KIAA2012: variants seen among roughly 807,000 people sequenced by gnomAD.
KIAA2012 encodes the protein KIAA2012, also known as uncharacterized protein KIAA2012.
Under a neutral mutation model 150.6 loss-of-function variants are expected in KIAA2012, and 125 were observed. The observed-to-expected ratio is 0.83, with a 90% confidence interval of 0.72 to 0.96. KIAA2012 has a LOEUF of 0.96. Ranked by LOEUF, KIAA2012 falls within the 40% of genes least tolerant of loss-of-function variation. The pLI is 0.00. For synonymous variants in KIAA2012, 462 were observed against 504.7 expected (o/e 0.92, Z 1.13); for missense variants, 1,219 against 1,354.9 (o/e 0.90, Z 1.57).
At chr2:202,124,406 G>C (rs1447169053) in intron 11 of KIAA2012, among the ~76,000 whole-genome samples, 1 of 152,088 alleles carries the variant, frequency 6.6e-6, no homozygotes, top group Non-Finnish European at 1.5e-5. Flanking sequence ...ATTCATCAGG[G>C]GCTGTGAAAA....
chr2:202,082,550 C>T (rs1327624506), intron 2 of KIAA2012, among the ~76,000 whole-genome samples: 1 of 151,486 alleles, frequency 6.6e-6, no homozygotes, highest in East Asian at 1.9e-4. Context: ...GAGCCAAGAT[C>T]GTGCCACTGT....
intron 9 of KIAA2012, 187 bp downstream of exon 9, chr2:202,106,097 A>G: frequency 6.8e-7 from 1 of 1,476,198 alleles, no homozygotes; most frequent in Non-Finnish European, 9.0e-7. Flanking sequence ...TAAAACTAAC[A>G]GTGTCCAGCT....
rs145531111 is a variant in KIAA2012 at position 202,083,499 on chromosome 2, A to G, written c.370-7271A>G. ...TGTTCTAAGATTTGGCCTTTGCCAGAGAACACTGACTCCGGCAAGACAGAC... is the reference window on the plus strand; with the variant it reads ...TGTTCTAAGATTTGGCCTTTGCCAGGGAACACTGACTCCGGCAAGACAGAC... On this transcript the variant is annotated intron_variant, in intron 2 of 23. Transcript: ENST00000498697. Among the ~76,000 whole-genome samples the G allele has an allele frequency of 4.9e-3, 749 of 152,362 alleles. 6 individuals are homozygous for G. The highest frequency in any genetic ancestry group is 7.1e-3 in the Non-Finnish European group (486 of 68,026).
Position 202,194,180 on chromosome 2 carries a change from GT to G in KIAA2012, c.3015-6del. 1.1e-5 allele frequency: 17 copies of G among 1,550,200 alleles called. No individual in the cohort carries two copies. Among genetic ancestry groups the G allele is most frequent in the Non-Finnish European group, 1.4e-5 (16 of 1,146,806 alleles). On this transcript the variant is annotated splice_polypyrimidine_tract_variant and intron_variant, in intron 20 of 23. Coordinates refer to ENST00000498697, the MANE Select transcript of KIAA2012 (RefSeq NM_001277372.4). ...TCTGCCATTTCCCTGACCATCTTGG[GT>G]TTTCTCAGCTTGAGGAAACAGAGAC... is the stretch of plus-strand genomic sequence containing the variant.
At chr2:202,179,997 C>G in intron 15 of KIAA2012, 1 of 586,714 alleles carries the variant, frequency 1.7e-6, no homozygotes, top group East Asian at 5.0e-5. Flanking sequence ...GCCGGGTGGG[C>G]GCGGTGGCTC....
At chr2:202,124,373 G>A (rs1341310461) in intron 11 of KIAA2012, among the ~76,000 whole-genome samples, 1 of 151,840 alleles carries the variant, frequency 6.6e-6, no homozygotes, top group African/African-American at 2.4e-5. Flanking sequence ...CACCCCAGGT[G>A]ACTAGCAGAT....
Position 202,188,158 on chromosome 2 carries a change from G to A in KIAA2012, c.2383G>A (p.Asp795Asn), listed in dbSNP as rs2105745110. Reference protein sequence around the residue: ...ETSANISHERDLINEAKRKEK... With the variant: ...ETSANISHERNLINEAKRKEK... ...CTTGATTTTTCACCTTTAGGAGAGG[G>A]ATTTGATTAACGAGGCCAAGAGAAA... is the stretch of plus-strand genomic sequence containing the variant. Residue 795 changes from aspartate to asparagine, a missense_variant, in exon 18 of 24, where the codon GAT becomes AAT. Transcript: ENST00000498697. 6.5e-7 allele frequency: 1 copy of A among 1,550,204 alleles called. No homozygotes were observed. The highest frequency in any genetic ancestry group is 1.2e-5 in the South Asian group (1 of 84,012).
chr2:202,109,173 G>A (rs1690278826), intron 9 of KIAA2012, among the ~76,000 whole-genome samples: 1 of 152,198 alleles, frequency 6.6e-6, no homozygotes, highest in Admixed American at 6.5e-5. Context: ...AATCTCATCA[G>A]CTCTAAAGCT....
intron 3 of KIAA2012, among the ~76,000 whole-genome samples, chr2:202,092,124 C>T (rs1451219772): frequency 6.6e-6 from 1 of 152,170 alleles, no homozygotes; most frequent in Admixed American, 6.5e-5. Context: ...CAAAAAAGGT[C>T]GAGTCCTCCA....
At chr2:202,195,722 A>G (rs886799744) in intron 21 of KIAA2012, among the ~76,000 whole-genome samples, 11 of 152,078 alleles carry the variant, frequency 7.2e-5, no homozygotes, top group Admixed American at 2.0e-4. Context: ...CCACTATTCT[A>G]TTCTCTATTT....
intron 12 of KIAA2012, among the ~76,000 whole-genome samples, chr2:202,133,048 T>C (rs1472385594): frequency 1.4e-5 from 2 of 138,200 alleles, no homozygotes; most frequent in Admixed American, 1.5e-4. Context: ...GAGCTTGCAG[T>C]GAGCCAAGAT....
intron 2 of KIAA2012, among the ~76,000 whole-genome samples, chr2:202,075,428 T>A (rs1689305516): frequency 6.6e-6 from 1 of 152,236 alleles, no homozygotes; most frequent in Non-Finnish European, 1.5e-5. Flanking sequence ...CATCATTTTA[T>A]GTTTTCCTTT....
chr2:202,132,788 G>GTGTATATA (rs1553556876), intron 12 of KIAA2012, among the ~76,000 whole-genome samples: 1 of 66,552 alleles, frequency 1.5e-5, no homozygotes, highest in Non-Finnish European at 2.6e-5. Flanking sequence ...ATATATATGC[G>GTGTATATA]TATATATATA....
intron 14 of KIAA2012, among the ~76,000 whole-genome samples, chr2:202,158,283 C>T (rs146298038): frequency 0.021 from 3,127 of 148,526 alleles, 110 homozygotes; most frequent in African/African-American, 0.072. Flanking sequence ...CGTGAGCCAC[C>T]GTGCCCGGCC....
intron 14 of KIAA2012, among the ~76,000 whole-genome samples, chr2:202,155,689 G>A (rs556724372): frequency 6.6e-6 from 1 of 152,330 alleles, no homozygotes; most frequent in South Asian, 2.1e-4. Flanking sequence ...GTGCATGATG[G>A]TGGCTCTATC....
At chr2:202,200,300 C>T (rs1179912566) in intron 22 of KIAA2012, among the ~76,000 whole-genome samples, 1 of 152,098 alleles carries the variant, frequency 6.6e-6, no homozygotes, top group African/African-American at 2.4e-5. Context: ...AAACATAGCT[C>T]AGTTTTTCTG....
rs1690757734 is a variant in KIAA2012 at position 202,125,354 on chromosome 2, A to C, written c.1831+72A>C. ...GACTCATGATCATATTATTTCATATATAGACCTCCAGAAACCCACAATTTC... is the reference window on the plus strand; with the variant it reads ...GACTCATGATCATATTATTTCATATCTAGACCTCCAGAAACCCACAATTTC... On this transcript the variant is annotated intron_variant, in intron 12 of 23. Coordinates refer to ENST00000498697, the MANE Select transcript of KIAA2012 (RefSeq NM_001277372.4). The C allele has an allele frequency of 9.1e-6, 11 of 1,204,974 alleles. No individual in the cohort carries two copies. The East Asian group carries it at 2.8e-4, about 31-fold the overall frequency. The allele number at this position is 1,204,974 out of a possible 1,614,324, so 74.6% of individuals were successfully genotyped here. A position where few individuals can be genotyped will look rare whatever the true frequency, so the allele number is the denominator to read the frequency against.
intron 12 of KIAA2012, among the ~76,000 whole-genome samples, chr2:202,127,822 A>T (rs1008970870): frequency 3.9e-5 from 6 of 152,144 alleles, no homozygotes; most frequent in African/African-American, 1.4e-4. Context: ...TAAAATACAG[A>T]TAACATAAAA....
chr2:202,151,167 CG>C (rs1303727229), intron 13 of KIAA2012, among the ~76,000 whole-genome samples: 2 of 152,070 alleles, frequency 1.3e-5, no homozygotes, highest in Admixed American at 1.3e-4. Context: ...GAGGCCAAGG[CG>C]GGTGGACCAC....
Sources: gnomAD v4.1 joint callset for allele counts (sites outside exome capture counted in the v4.1 genomes callset) on GRCh38, gnomAD v4.1.1 for gene constraint, MANE v1.5 for transcripts, NCBI Gene and HGNC (gene_info 2026-07-23, HGNC 2026-07-21) for gene names.